Variants in CTNNA3 observed in about 807,000 individuals in gnomAD.
CTNNA3 encodes the protein catenin alpha-3.
Under a neutral mutation model 95.7 loss-of-function variants are expected in CTNNA3, and 76 were observed. The observed-to-expected ratio is 0.79, with a 90% CI of 0.66 to 0.96. The LOEUF is 0.96. Among genes scored for constraint, CTNNA3 ranks in the 40% least tolerant of loss-of-function variants. The pLI is 0.00. For synonymous variants in CTNNA3, 431 were observed against 374.4 expected, an observed-to-expected ratio of 1.15 and a Z score of -1.74; for missense variants, 1,191 against 1,089.8, an observed-to-expected ratio of 1.09 and a Z score of -1.31.
chr10:67,354,292 G>A (rs1018196424), intron 5 of CTNNA3, among the ~76,000 whole-genome samples: 6 of 151,962 alleles, frequency 3.9e-5, no homozygotes, highest in South Asian at 4.1e-4. Flanking sequence ...CAAGGTTGCT[G>A]CAGATCTCAG....
chr10:66,124,419 T>C (rs1284130844), intron 13 of CTNNA3, among the ~76,000 whole-genome samples: 1 of 152,180 alleles, frequency 6.6e-6, no homozygotes, highest in Non-Finnish European at 1.5e-5. Context: ...TCAACAAGTC[T>C]ATAGGGTGTT....
At chr10:67,123,558 A>G (rs16924087) in intron 7 of CTNNA3, among the ~76,000 whole-genome samples, 36,051 of 151,894 alleles carry the variant, frequency 0.24, 5,274 homozygotes, top group African/African-American at 0.41. Flanking sequence ...ATATCTGAAC[A>G]CATTTTCTTT....
At chr10:66,242,510 A>T in intron 13 of CTNNA3, among the ~76,000 whole-genome samples, 1 of 152,272 alleles carries the variant, frequency 6.6e-6, no homozygotes, top group East Asian at 1.9e-4. Context: ...AATTATTGAT[A>T]AAAAAATAAG....
At chr10:67,445,630 C>T (rs376625572) in intron 5 of CTNNA3, among the ~76,000 whole-genome samples, 1 of 152,118 alleles carries the variant, frequency 6.6e-6, no homozygotes, top group African/African-American at 2.4e-5. Context: ...CCAACACATG[C>T]TTTTTGGGAG....
chr10:66,697,455 T>C (rs1315828471), intron 9 of CTNNA3, among the ~76,000 whole-genome samples: 1 of 151,718 alleles, frequency 6.6e-6, no homozygotes, highest in Non-Finnish European at 1.5e-5. Flanking sequence ...ATACACAAAA[T>C]ATATGGATTA....
chr10:66,808,480 G>C (rs911784767), intron 7 of CTNNA3, among the ~76,000 whole-genome samples: 3 of 151,900 alleles, frequency 2.0e-5, no homozygotes, highest in African/African-American at 7.3e-5. Context: ...TGGTACATCT[G>C]TACCTTCGGG....
At chr10:66,528,071 G>T (rs192810314) in intron 10 of CTNNA3, among the ~76,000 whole-genome samples, 1 of 152,082 alleles carries the variant, frequency 6.6e-6, no homozygotes, top group African/African-American at 2.4e-5. Flanking sequence ...TTTAAATGGG[G>T]CTTCTGTTAT....
At chr10:66,858,416 G>C (rs563836683) in intron 7 of CTNNA3, among the ~76,000 whole-genome samples, 1 of 152,134 alleles carries the variant, frequency 6.6e-6, no homozygotes, top group South Asian at 2.1e-4. Flanking sequence ...TGGTCTCATA[G>C]AATGAATTAG....
intron 12 of CTNNA3, among the ~76,000 whole-genome samples, chr10:66,360,289 CG>C (rs201920334): frequency 8.1e-6 from 1 of 124,036 alleles, no homozygotes. Flanking sequence ...AGGGTTTCCA[CG>C]TGTTTGGGAA....
chr10:66,272,250 A>G (rs772174288), intron 13 of CTNNA3, among the ~76,000 whole-genome samples: 4 of 152,202 alleles, frequency 2.6e-5, no homozygotes, highest in African/African-American at 4.8e-5. Context: ...CAGAAGGGAC[A>G]AAGTGTTTTA....
chr10:66,191,632 C>T (rs1011858007), intron 13 of CTNNA3, among the ~76,000 whole-genome samples: 4 of 140,756 alleles, frequency 2.8e-5, no homozygotes, highest in African/African-American at 1.0e-4. Flanking sequence ...AAAAAAAAAA[C>T]TCCTGTAGCA....
intron 7 of CTNNA3, among the ~76,000 whole-genome samples, chr10:66,831,131 T>C (rs1263855717): frequency 6.6e-6 from 1 of 152,156 alleles, no homozygotes; most frequent in Non-Finnish European, 1.5e-5. Flanking sequence ...ACTACTACAA[T>C]AATCAATCTT....
chr10:66,984,180 A>G (rs1341377846), intron 7 of CTNNA3, among the ~76,000 whole-genome samples: 1 of 152,168 alleles, frequency 6.6e-6, no homozygotes, highest in Non-Finnish European at 1.5e-5. Context: ...AGTCAAGACA[A>G]TGTATTTACC....
At chr10:65,926,647 T>A (rs186469172) in intron 17 of CTNNA3, among the ~76,000 whole-genome samples, 69 of 152,210 alleles carry the variant, frequency 4.5e-4, no homozygotes, top group African/African-American at 1.7e-3. Flanking sequence ...TGGCTAATTT[T>A]GTATTTTTAG....
chr10:67,220,126 G>A (rs1392992004), intron 5 of CTNNA3, among the ~76,000 whole-genome samples: 1 of 152,164 alleles, frequency 6.6e-6, no homozygotes, highest in Non-Finnish European at 1.5e-5. Context: ...TTACTATTCA[G>A]TCAAGTCCTT....
At chr10:67,487,702 A>C (rs1295283579) in intron 5 of CTNNA3, among the ~76,000 whole-genome samples, 1 of 152,208 alleles carries the variant, frequency 6.6e-6, no homozygotes, top group Non-Finnish European at 1.5e-5. Context: ...AGAGCTGTAC[A>C]TATAACTGAT....
At chr10:66,774,819 T>G (rs1277837664) in intron 8 of CTNNA3, among the ~76,000 whole-genome samples, 3 of 152,214 alleles carry the variant, frequency 2.0e-5, no homozygotes, top group African/African-American at 7.2e-5. Context: ...GGAAAAATGT[T>G]TAACTTGTGG....
At chr10:66,007,739 T>TCTCTCCC (rs1322739161) in intron 15 of CTNNA3, among the ~76,000 whole-genome samples, 1 of 28,632 alleles carries the variant, frequency 3.5e-5, no homozygotes, top group East Asian at 2.1e-3. Context: ...TCTTCCTCCC[T>TCTCTCCC]ACCTTCCTTT....
intron 17 of CTNNA3, among the ~76,000 whole-genome samples, chr10:65,963,383 C>T (rs190566484): frequency 1.2e-4 from 18 of 152,264 alleles, no homozygotes; most frequent in African/African-American, 3.8e-4. Context: ...CAGTTGTCCC[C>T]TCTATCTCAA....
Sources: gnomAD v4.1 joint callset for allele counts (sites outside exome capture counted in the v4.1 genomes callset) on GRCh38, gnomAD v4.1.1 for gene constraint, MANE v1.5 for transcripts, NCBI Gene and HGNC (gene_info 2026-07-23, HGNC 2026-07-21) for gene names.